The following MED12L variants were observed in gnomAD, a reference collection of about 807,000 sequenced individuals.
MED12L encodes mediator complex subunit 12L.
MED12L carries 60 observed loss-of-function variants against 281.3 expected under a neutral mutation model. The ratio of observed to expected loss-of-function variants is 0.21; its 90% CI spans 0.17 to 0.26. The LOEUF is 0.26. MED12L is among the 10% of genes least tolerant of loss of function. The pLI is 1.00. For missense variants in MED12L, 2,146 were observed against 2,680.9 expected, an observed-to-expected ratio of 0.80 and a Z score of 4.41; for synonymous variants, 974 against 987.2, an observed-to-expected ratio of 0.99 and a Z score of 0.25.
chr3:151,137,199 GT>G (rs1161393208), intron 5 of MED12L, among the ~76,000 whole-genome samples: 3 of 149,548 alleles, frequency 2.0e-5, no homozygotes, highest in Non-Finnish European at 4.4e-5. Flanking sequence ...ACGAAAAAAA[GT>G]TTATTTTTGA....
intron 41 of MED12L, among the ~76,000 whole-genome samples, chr3:151,412,898 T>TA (rs1342369404): frequency 6.6e-6 from 1 of 152,250 alleles, no homozygotes; most frequent in African/African-American, 2.4e-5. Flanking sequence ...TAAAAACTAT[T>TA]AAATGTTTAA....
intron 5 of MED12L, among the ~76,000 whole-genome samples, chr3:151,147,048 T>G (rs950299542): frequency 1.3e-5 from 2 of 152,226 alleles, no homozygotes; most frequent in Non-Finnish European, 2.9e-5. Context: ...GTGGCTCATT[T>G]TATAGGGTAC....
In MED12L at chr3:151,349,852, C is replaced by CTTT. The variant is rs112308445; in HGVS notation, c.2251-193_2251-191dup. Among the ~76,000 whole-genome samples the CTTT allele has an allele frequency of 3.1e-3, 431 of 139,692 alleles. 1 individual carries two copies. The highest frequency in any genetic ancestry group is 0.011 in the African/African-American group (406 of 37,706). The allele number at this position is 139,692 out of a possible 152,430, so 91.6% of individuals were successfully genotyped here. A position where few individuals can be genotyped will look rare whatever the true frequency, so the allele number is the denominator to read the frequency against. ...TATTAAGACTTCAGGTCAGTTGACA[C>CTTT]TTTTTTTTTTTTTTTTATAATGTTA... is the stretch of plus-strand genomic sequence containing the variant. On this transcript the variant is annotated intron_variant, in intron 16 of 44. Transcript: ENST00000687756.
chr3:151,087,985 A>G (rs940828592), intron 2 of MED12L, among the ~76,000 whole-genome samples: 1 of 151,948 alleles, frequency 6.6e-6, no homozygotes, highest in Non-Finnish European at 1.5e-5. Flanking sequence ...CGAACTGACC[A>G]TATTTCAAAA....
intron 39 of MED12L, among the ~76,000 whole-genome samples, chr3:151,398,497 T>A (rs549621255): frequency 6.6e-6 from 1 of 152,310 alleles, no homozygotes; most frequent in South Asian, 2.1e-4. Context: ...GTCTTATATT[T>A]CCTCAGGAAT....
chr3:151,432,533 C>T lies in MED12L; in HGVS notation c.6491-219C>T, dbSNP rs141634123. Among the ~76,000 whole-genome samples, 186 of 152,284 alleles carry T rather than the reference C, an allele frequency of 1.2e-3. 1 individual carries two copies. Among genetic ancestry groups the T allele is most frequent in the African/African-American group, 4.2e-3 (174 of 41,560 alleles). ...TGGGCCAGTAACCTAAATCCTGCGG[C>T]CTTGCATTGGCAAGTGTGGACTGTG... On this transcript the variant is annotated intron_variant, in intron 44 of 44. Coordinates refer to ENST00000687756, the MANE Select transcript of MED12L (RefSeq NM_001393769.1).
chr3:151,244,751 A>G (rs1310887678), intron 16 of MED12L, among the ~76,000 whole-genome samples: 1 of 152,128 alleles, frequency 6.6e-6, no homozygotes, highest in Admixed American at 6.5e-5. Context: ...AGCAGAAGGC[A>G]AGAAATAACT....
chr3:151,396,643 TAATA>T (rs1715016323), intron 39 of MED12L, among the ~76,000 whole-genome samples: 1 of 152,142 alleles, frequency 6.6e-6, no homozygotes, highest in Non-Finnish European at 1.5e-5. Context: ...ATAAATAAAA[TAATA>T]AATAAAGTAA....
chr3:151,160,088 G>T lies in MED12L; in HGVS notation c.1094G>T (p.Ser365Ile). The T allele has an allele frequency of 6.3e-7, 1 of 1,598,448 alleles. No homozygotes were observed. The highest frequency in any genetic ancestry group is 8.5e-7 in the Non-Finnish European group (1 of 1,170,408). Residue 365 changes from serine to isoleucine, a missense_variant, in exon 8 of 45, where the codon AGT (serine) becomes ATT (isoleucine). Ser to Ile is a moderately radical substitution (Grantham distance 142). Coordinates refer to ENST00000687756, the MANE Select transcript of MED12L (RefSeq NM_001393769.1). Reference sequence around the variant, plus strand: ...CATGGTCCCCTGGTTTATGGACTTAGTTGTATGTTGCAGGTAAGTCCTTGG... The same window carrying T: ...CATGGTCCCCTGGTTTATGGACTTATTTGTATGTTGCAGGTAAGTCCTTGG... ...AQHGPLVYGL[S>I]CMLQTVTLCC...
At chr3:151,216,960 C>T (rs1728354930) in intron 16 of MED12L, among the ~76,000 whole-genome samples, 1 of 152,096 alleles carries the variant, frequency 6.6e-6, no homozygotes, top group Non-Finnish European at 1.5e-5. Flanking sequence ...AATTTGGTTT[C>T]CCAGTCCTAA....
In MED12L at chr3:151,188,468, G is replaced by T; in HGVS notation, c.1741G>T (p.Ala581Ser). The T allele has an allele frequency of 1.2e-6, 2 of 1,612,092 alleles. No individual in the cohort carries two copies. Among genetic ancestry groups the T allele is most frequent in the Non-Finnish European group, 1.7e-6 (2 of 1,178,958 alleles). The change falls in exon 13 of 45, where the codon GCC becomes TCC. Residue 581 changes from alanine to serine, a missense_variant. Ala to Ser is a moderately conservative substitution (Grantham distance 99). Coordinates refer to ENST00000687756, the MANE Select transcript of MED12L (RefSeq NM_001393769.1). The stretch of plus-strand genomic sequence containing the variant: ...GCTGTTAAGGTTTTTAGATACACAG[G>T]CCCCCTCTTTGTGTAAGTAGAGAAA... ...NVLLRFLDTQ[A>S]PSLSDPNSEC...
At chr3:151,168,751 G>C (rs1309478759) in intron 11 of MED12L, among the ~76,000 whole-genome samples, 1 of 152,156 alleles carries the variant, frequency 6.6e-6, no homozygotes, top group African/African-American at 2.4e-5. Context: ...TGTTGCCCAG[G>C]CTAGAGTGCA....
chr3:151,141,308 C>G (rs1716998247), intron 5 of MED12L, among the ~76,000 whole-genome samples: 1 of 151,806 alleles, frequency 6.6e-6, no homozygotes, highest in African/African-American at 2.4e-5. Context: ...AGGCATGAGC[C>G]ACTGGGCCTG....
chr3:151,424,725 TCTGAGAGTGTGGA>T (rs374347776), intron 43 of MED12L, among the ~76,000 whole-genome samples: 3 of 152,188 alleles, frequency 2.0e-5, no homozygotes, highest in Non-Finnish European at 4.4e-5. Flanking sequence ...GCTAGCTCTG[TCTGAGAGTGTGGA>T]CTGAGAGTGT....
At chr3:151,178,502 A>G (rs1440983806) in intron 11 of MED12L, among the ~76,000 whole-genome samples, 1 of 152,178 alleles carries the variant, frequency 6.6e-6, no homozygotes, top group Non-Finnish European at 1.5e-5. Flanking sequence ...ACAAAAGGCC[A>G]TTGTGTATTG....
chr3:151,090,234 G>A (rs1286741788), intron 2 of MED12L, among the ~76,000 whole-genome samples: 1 of 152,040 alleles, frequency 6.6e-6, no homozygotes, highest in East Asian at 1.9e-4. Context: ...CATATAGAGT[G>A]AGAGTGATAA....
chr3:151,287,279 T>G (rs1743651136), intron 16 of MED12L, among the ~76,000 whole-genome samples: 1 of 152,062 alleles, frequency 6.6e-6, no homozygotes, highest in Non-Finnish European at 1.5e-5. Flanking sequence ...AAGTAAGAGG[T>G]GGGATACAGG....
chr3:151,171,029 C>T (rs1342391276), intron 11 of MED12L, among the ~76,000 whole-genome samples: 1 of 152,216 alleles, frequency 6.6e-6, no homozygotes. Context: ...AAATACTGTG[C>T]AGCCAGGCAG....
chr3:151,398,018 C>T (rs1372986976), intron 39 of MED12L, among the ~76,000 whole-genome samples: 1 of 152,178 alleles, frequency 6.6e-6, no homozygotes, highest in Non-Finnish European at 1.5e-5. Context: ...TGAGGTCAGA[C>T]ACTGGGCTGT....
Sources: allele counts gnomAD v4.1 joint callset (sites outside exome capture counted in the v4.1 genomes callset), GRCh38; gene constraint gnomAD v4.1.1; transcripts MANE v1.5; gene names NCBI Gene and HGNC (gene_info 2026-07-23, HGNC 2026-07-21).